The following HK1 variants were observed in gnomAD, a reference collection of about 807,000 sequenced individuals.
The protein encoded by HK1 is hexokinase-1.
In HK1, 28 loss-of-function variants were observed where a neutral mutation model predicts 91.6. The ratio of observed to expected loss-of-function variants is 0.31; its 90% confidence interval spans 0.23 to 0.42. HK1 has a LOEUF of 0.42. HK1 is among the 10% of genes least tolerant of loss of function. The pLI, the probability that HK1 is intolerant of heterozygous loss-of-function variation, is 1.00. For missense variants in HK1, 770 were observed against 1,219.8 expected (o/e 0.63, Z 5.49); for synonymous variants, 430 against 468.1 (o/e 0.92, Z 1.05).
At chr10:69,338,132 G>C (rs910057224) in intron 1 of HK1, 6 of 553,640 alleles carry the variant, frequency 1.1e-5, no homozygotes, top group African/African-American at 4.0e-5. Flanking sequence ...TTTGGGAGCC[G>C]CTGAGAGCTT....
intron 4 of HK1, among the ~76,000 whole-genome samples, chr10:69,298,592 C>A (rs1564762992): frequency 6.6e-6 from 1 of 151,496 alleles, no homozygotes; most frequent in South Asian, 2.1e-4. Context: ...TGTGCCCCTG[C>A]ACCCCAGCGT....
chr10:69,292,636 C>G (rs1331867767), intron 3 of HK1, among the ~76,000 whole-genome samples: 1 of 152,180 alleles, frequency 6.6e-6, no homozygotes, highest in African/African-American at 2.4e-5. Context: ...GCTGTGCTTT[C>G]TGGGTCTGGG....
At chr10:69,400,911 G>A in intron 17 of HK1, 80 bp from the exon 18 acceptor site, 1 of 1,463,292 alleles carries the variant, frequency 6.8e-7, no homozygotes. Flanking sequence ...TCAGGGGGCT[G>A]TCTGTGCTTT....
At chr10:69,325,161 C>A (rs1408222954) in intron 1 of HK1, among the ~76,000 whole-genome samples, 1 of 149,594 alleles carries the variant, frequency 6.7e-6, no homozygotes, top group Non-Finnish European at 1.5e-5. Context: ...TCGCCATTCT[C>A]CTGCCTCAGC....
intron 9 of HK1, among the ~76,000 whole-genome samples, chr10:69,381,573 G>T: frequency 6.9e-6 from 1 of 144,412 alleles, no homozygotes; most frequent in African/African-American, 2.6e-5. Context: ...TTTGAAGGCA[G>T]GGTCTTGCCC....
intron 1 of HK1, among the ~76,000 whole-genome samples, chr10:69,341,050 C>T (rs1334046407): frequency 6.6e-6 from 1 of 152,166 alleles, no homozygotes; most frequent in Non-Finnish European, 1.5e-5. Flanking sequence ...ACTATGATGG[C>T]AAGGGCTGCT....
chr10:69,369,626 TG>T lies in HK1; in HGVS notation c.875+3del, dbSNP rs747796271. 6.2e-7 allele frequency: 1 copy of T among 1,613,298 alleles called. No homozygotes were observed. The highest frequency in any genetic ancestry group is 8.5e-7 in the Non-Finnish European group (1 of 1,179,692). ...ATCCCTCAACCCTGGAAAACAGCTG[TG>T]AGTCCTTGACTTTTGCTTCTAACCA... On this transcript the variant is annotated splice_donor_region_variant and intron_variant, in intron 7 of 17. Transcript: ENST00000359426. The surrounding 1 kb of genome is among the most constrained non-coding windows in gnomAD (Gnocchi z 4.4).
intron 12 of HK1, 27 bp downstream of exon 12, chr10:69,384,942 G>A (rs756459113): frequency 6.2e-7 from 1 of 1,614,038 alleles, no homozygotes; most frequent in Non-Finnish European, 8.5e-7. Context: ...AGGGCTCAGT[G>A]ATCGGGCAGC....
At chr10:69,351,633 C>T (rs764867688) in intron 2 of HK1, among the ~76,000 whole-genome samples, 5 of 152,222 alleles carry the variant, frequency 3.3e-5, no homozygotes, top group African/African-American at 7.2e-5. Context: ...CTCTCTCTGG[C>T]CCCCACTTTC....
intron 1 of HK1, chr10:69,338,680 AGTGTGTGTGT>A (rs10578071): frequency 0.072 from 83,179 of 1,153,354 alleles, 2,093 homozygotes; most frequent in South Asian, 0.13. Context: ...TGGAGATGTG[AGTGTGTGTGT>A]GTGTGTGTGT....
chr10:69,332,331 G>C (rs1020012154), intron 1 of HK1, among the ~76,000 whole-genome samples: 26 of 143,490 alleles, frequency 1.8e-4, no homozygotes, highest in African/African-American at 6.8e-4. Context: ...GTATTGTGAG[G>C]TGACCATCAA....
At chr10:69,285,329 C>T (rs1844975705) in intron 2 of HK1, among the ~76,000 whole-genome samples, 1 of 151,982 alleles carries the variant, frequency 6.6e-6, no homozygotes, top group Non-Finnish European at 1.5e-5. Flanking sequence ...GAGGCTGAGG[C>T]AGGAGAATGG....
intron 1 of HK1, among the ~76,000 whole-genome samples, chr10:69,329,150 G>GCTTT (rs1564516409): frequency 6.7e-6 from 1 of 148,908 alleles, no homozygotes; most frequent in Admixed American, 6.6e-5. Context: ...GTATAGACAT[G>GCTTT]CTTTCTTTCT....
intron 1 of HK1, among the ~76,000 whole-genome samples, chr10:69,326,316 C>T (rs1283417445): frequency 1.3e-5 from 2 of 152,102 alleles, no homozygotes; most frequent in Non-Finnish European, 2.9e-5. Context: ...AAAGCCTCAG[C>T]GAGGTTGTCA....
chr10:69,391,115 G>A (rs1019754240), intron 14 of HK1, among the ~76,000 whole-genome samples: 1 of 152,232 alleles, frequency 6.6e-6, no homozygotes, highest in Admixed American at 6.5e-5. Context: ...GCAAGCATAT[G>A]TCAGGTTGCA....
intron 1 of HK1, among the ~76,000 whole-genome samples, chr10:69,329,290 G>A (rs1023457606): frequency 6.6e-6 from 1 of 151,908 alleles, no homozygotes; most frequent in Non-Finnish European, 1.5e-5. Context: ...AGCCTCCCAA[G>A]TAGCTGGGAC....
At chr10:69,304,660 A>G (rs1403508282) in intron 5 of HK1, among the ~76,000 whole-genome samples, 2 of 152,188 alleles carry the variant, frequency 1.3e-5, no homozygotes, top group Non-Finnish European at 2.9e-5. Flanking sequence ...AGTTCAGCCT[A>G]TGACCGGGAA....
At chr10:69,399,203 G>A (rs768060854) in intron 17 of HK1, among the ~76,000 whole-genome samples, 16 of 152,184 alleles carry the variant, frequency 1.1e-4, no homozygotes, top group Non-Finnish European at 2.2e-4. Flanking sequence ...TGGGTAAGTG[G>A]GGAGAGGATA....
At chr10:69,319,531 G>A (rs1846884638) in intron 1 of HK1, among the ~76,000 whole-genome samples, 1 of 152,274 alleles carries the variant, frequency 6.6e-6, no homozygotes. Context: ...TTAATCTGAG[G>A]ACGAGGTGAC....
Sources: allele counts gnomAD v4.1 joint callset (sites outside exome capture counted in the v4.1 genomes callset), GRCh38; gene constraint gnomAD v4.1.1; non-coding constraint Gnocchi (gnomAD v3.1); transcripts MANE v1.5; gene names NCBI Gene and HGNC (gene_info 2026-07-23, HGNC 2026-07-21).